Variants in SYT9 observed in about 807,000 individuals in gnomAD.
SYT9 encodes synaptotagmin-9.
A neutral mutation model predicts 48.4 loss-of-function variants in SYT9; 22 were observed. The observed-to-expected ratio is 0.45, with a 90% CI of 0.32 to 0.65. The LOEUF is 0.65. Ranked by LOEUF, SYT9 falls within the 30% of genes least tolerant of loss-of-function variation. SYT9 has a pLI of 0.03. For synonymous variants in SYT9, 265 were observed against 245.0 expected (o/e 1.08, Z -0.76); for missense variants, 577 against 622.0 (o/e 0.93, Z 0.77).
chr11:7,303,087 C>T lies in SYT9; in HGVS notation c.194C>T (p.Ala65Val). 1.2e-6 allele frequency: 2 copies of T among 1,614,224 alleles called. No homozygotes were observed. Among genetic ancestry groups the T allele is most frequent in the Non-Finnish European group, 1.7e-6 (2 of 1,180,038 alleles). ...LTLVVTACGLALFGVSLFVSW... is the reference protein window; with the variant it reads ...LTLVVTACGLVLFGVSLFVSW... ...CTTGTGGTCACTGCCTGTGGTCTCGCTCTCTTTGGCGTGTCTCTCTTCGTA... is the reference window on the plus strand; with the variant it reads ...CTTGTGGTCACTGCCTGTGGTCTCGTTCTCTTTGGCGTGTCTCTCTTCGTA... The change falls in exon 2 of 7, where the codon GCT (alanine) becomes GTT (valine). Residue 65 changes from alanine to valine, a missense_variant. Transcript: ENST00000318881.
chr11:7,385,664 A>T (rs1256650806), intron 3 of SYT9, among the ~76,000 whole-genome samples: 1 of 152,136 alleles, frequency 6.6e-6, no homozygotes, highest in Non-Finnish European at 1.5e-5. Flanking sequence ...AGTTTAAAAA[A>T]ATCAATACAT....
At chr11:7,247,375 T>C (rs1346613911), upstream of SYT9, among the ~76,000 whole-genome samples, 1 of 151,652 alleles carries the variant, frequency 6.6e-6, no homozygotes, top group Non-Finnish European at 1.5e-5. Flanking sequence ...CCTGAGTTAC[T>C]CCACTTAGAA....
At chr11:7,410,744 A>G (rs1847121835) in intron 3 of SYT9, among the ~76,000 whole-genome samples, 1 of 152,222 alleles carries the variant, frequency 6.6e-6, no homozygotes, top group Non-Finnish European at 1.5e-5. Flanking sequence ...GTATCTTGAC[A>G]GGTAAAGTGT....
At chr11:7,381,659 TG>T (rs1850567710) in intron 3 of SYT9, among the ~76,000 whole-genome samples, 1 of 152,156 alleles carries the variant, frequency 6.6e-6, no homozygotes, top group African/African-American at 2.4e-5. Flanking sequence ...GTTTGGGACG[TG>T]TTTTGAAATG....
chr11:7,365,196 A>G lies in SYT9; in HGVS notation c.1045-50846A>G, dbSNP rs150921699. Among the ~76,000 whole-genome samples the G allele has an allele frequency of 1.6e-3, 251 of 152,168 alleles. 2 individuals are homozygous for G. Among genetic ancestry groups the G allele is most frequent in the African/African-American group, 5.6e-3 (231 of 41,522 alleles). On this transcript the variant is annotated intron_variant, in intron 3 of 6. Transcript: ENST00000318881. Reference sequence around the variant, plus strand: ...TCATGATTGTGGAAAAAAAAAAGCGATGAAATTACTAAGAAATCCTCAAGA... The same window carrying G: ...TCATGATTGTGGAAAAAAAAAAGCGGTGAAATTACTAAGAAATCCTCAAGA...
chr11:7,449,277 A>T (rs1182806576), intron 6 of SYT9, among the ~76,000 whole-genome samples: 1 of 147,990 alleles, frequency 6.8e-6, no homozygotes, highest in Non-Finnish European at 1.5e-5. Context: ...CCAGGAGGCA[A>T]CAGTTGCAGT....
chr11:7,342,437 T>C (rs966391888), intron 3 of SYT9, among the ~76,000 whole-genome samples: 4 of 152,164 alleles, frequency 2.6e-5, no homozygotes, highest in South Asian at 4.1e-4. Flanking sequence ...AAAGACCCCA[T>C]GGGAGTCTGA....
At chr11:7,372,055 A>G (rs1366082848) in intron 3 of SYT9, among the ~76,000 whole-genome samples, 2 of 152,142 alleles carry the variant, frequency 1.3e-5, no homozygotes, top group South Asian at 2.1e-4. Context: ...ATCATAGGAT[A>G]TATCTATGTT....
At chr11:7,445,596 C>G (rs1847912017) in intron 6 of SYT9, among the ~76,000 whole-genome samples, 1 of 152,226 alleles carries the variant, frequency 6.6e-6, no homozygotes, top group African/African-American at 2.4e-5. Context: ...CCTTTTCTCT[C>G]TTTCTCATGG....
chr11:7,414,450 A>G (rs949106335), intron 3 of SYT9, among the ~76,000 whole-genome samples: 4 of 152,224 alleles, frequency 2.6e-5, no homozygotes, highest in South Asian at 2.1e-4. Context: ...GGCTGGGTCA[A>G]TCCTTCCCTC....
chr11:7,425,056 C>T (rs925949880), intron 6 of SYT9, among the ~76,000 whole-genome samples: 13 of 152,280 alleles, frequency 8.5e-5, no homozygotes, highest in African/African-American at 2.6e-4. Flanking sequence ...ACAAGCAGCC[C>T]GTGTAAACCA....
intron 3 of SYT9, among the ~76,000 whole-genome samples, chr11:7,381,884 T>TGA (rs1392082831): frequency 6.6e-6 from 1 of 152,176 alleles, no homozygotes; most frequent in East Asian, 1.9e-4. Context: ...GTGGTGGATA[T>TGA]GAGATAGGAG....
At position 7,310,577 on chromosome 11, in the gene SYT9, GCTGGGAC is replaced by G. The variant is rs1849115065; in HGVS notation, c.498-2817_498-2811del. Among the ~76,000 whole-genome samples, 3 of 151,604 alleles carry G rather than the reference GCTGGGAC, an allele frequency of 2.0e-5. No individual in the cohort carries two copies. The South Asian group carries it at 6.2e-4, about 32-fold the overall frequency. ...TTCTCCTGCCTCAGCCTCCCAAGTA[GCTGGGAC>G]TACAGGTGCCTGCCACCACGCCTGG... On this transcript the variant is annotated intron_variant, in intron 2 of 6. Coordinates refer to ENST00000318881, the MANE Select transcript of SYT9 (RefSeq NM_175733.4).
chr11:7,403,564 C>CAGAGAGAG (rs59032816), intron 3 of SYT9, among the ~76,000 whole-genome samples: 8 of 150,392 alleles, frequency 5.3e-5, no homozygotes, highest in Non-Finnish European at 1.2e-4. Flanking sequence ...AATAAATAAA[C>CAGAGAGAG]AGAGAGAGAG....
intron 3 of SYT9, among the ~76,000 whole-genome samples, chr11:7,402,257 G>A (rs4622241): frequency 0.044 from 6,672 of 151,980 alleles, 437 homozygotes; most frequent in African/African-American, 0.15. Context: ...TATCTTGGTG[G>A]ATGTTCAGTA....
At chr11:7,240,537 T>G (rs916068916) in intron 1 of SYT9, among the ~76,000 whole-genome samples, 2 of 152,214 alleles carry the variant, frequency 1.3e-5, no homozygotes, top group Non-Finnish European at 2.9e-5. Flanking sequence ...AAACAAGCTT[T>G]GAATACGTCT....
At chr11:7,414,454 T>A (rs555593744) in intron 3 of SYT9, among the ~76,000 whole-genome samples, 2 of 152,322 alleles carry the variant, frequency 1.3e-5, no homozygotes, top group East Asian at 3.9e-4. Flanking sequence ...GGGTCAATCC[T>A]TCCCTCTTCA....
At chr11:7,358,282 GT>G (rs1850062202) in intron 3 of SYT9, among the ~76,000 whole-genome samples, 2 of 151,854 alleles carry the variant, frequency 1.3e-5, no homozygotes, top group African/African-American at 2.4e-5. Context: ...TAAAGTTATG[GT>G]TTTTTTGGCT....
intron 1 of SYT9, among the ~76,000 whole-genome samples, chr11:7,270,528 A>C (rs2133885695): frequency 6.6e-6 from 1 of 152,344 alleles, no homozygotes; most frequent in African/African-American, 2.4e-5. Flanking sequence ...TTCAAATTCT[A>C]GAAAAAAAAT....
Sources: gnomAD v4.1 joint callset for allele counts (sites outside exome capture counted in the v4.1 genomes callset) on GRCh38, gnomAD v4.1.1 for gene constraint, MANE v1.5 for transcripts, NCBI Gene and HGNC (gene_info 2026-07-23, HGNC 2026-07-21) for gene names.